The following KANK1 variants were observed in gnomAD, a reference collection of about 807,000 sequenced individuals.
The protein encoded by KANK1 is KN motif and ankyrin repeat domains 1.
A neutral mutation model predicts 106.2 loss-of-function variants in KANK1; 109 were observed. The observed-to-expected ratio is 1.03, with a 90% confidence interval of 0.88 to 1.20. The LOEUF is 1.20. Among genes scored for constraint, KANK1 ranks in the 50% most tolerant of loss-of-function variants. The pLI is 0.00. For synonymous variants in KANK1, 873 were observed against 652.2 expected (o/e 1.34, Z -5.16); for missense variants, 2,399 against 1,710.7 (o/e 1.40, Z -7.10).
Position 481,601 on chromosome 9 carries a change from C to T in KANK1, c.-362+8328C>T, listed in dbSNP as rs374795699. Among the ~76,000 whole-genome samples, 134 of 152,224 alleles carry T rather than the reference C, an allele frequency of 8.8e-4. 1 individual carries two copies. In the Middle Eastern group the frequency reaches 0.017, roughly 19 times the overall value. ...TCCATACAAAGGCAGCCAACAACGG[C>T]GGGCAAAAAGCTCATGACGGCTCAT... On this transcript the variant is annotated intron_variant, in intron 3 of 15. Coordinates refer to the KANK1 transcript ENST00000382303.
At chr9:538,629 A>G (rs550280583) in intron 1 of KANK1, among the ~76,000 whole-genome samples, 1 of 152,332 alleles carries the variant, frequency 6.6e-6, no homozygotes, top group South Asian at 2.1e-4. Context: ...GGTGCTATCT[A>G]GCAAAAGCTA....
At chr9:562,781 A>C (rs1160441950) in intron 1 of KANK1, among the ~76,000 whole-genome samples, 2 of 152,360 alleles carry the variant, frequency 1.3e-5, no homozygotes, top group South Asian at 2.1e-4. Flanking sequence ...TGGATGAAAG[A>C]GCTAGTGAAC....
intron 2 of KANK1, among the ~76,000 whole-genome samples, chr9:683,355 A>AG (rs1200116329): frequency 6.6e-6 from 1 of 152,196 alleles, no homozygotes; most frequent in Non-Finnish European, 1.5e-5. Context: ...ATAAACACAT[A>AG]GGTAGGAGCC....
intron 1 of KANK1, among the ~76,000 whole-genome samples, chr9:594,506 A>G (rs1214586487): frequency 1.3e-5 from 2 of 151,936 alleles, no homozygotes; most frequent in African/African-American, 2.4e-5. Context: ...CCACCTTAAC[A>G]TAGAGTTCTC....
chr9:723,995 T>G (rs1196627551), intron 3 of KANK1, among the ~76,000 whole-genome samples: 1 of 150,904 alleles, frequency 6.6e-6, no homozygotes, highest in Non-Finnish European at 1.5e-5. Flanking sequence ...CCCAGCTATT[T>G]GGGGGGCTGA....
In KANK1 at chr9:710,615, C is replaced by CAAAAAAAAA. The variant is rs1222306010; in HGVS notation, c.38-183_38-175dup. On this transcript the variant is annotated intron_variant, in intron 2 of 11. Transcript: ENST00000382297. Reference sequence around the variant, plus strand: ...GCCTGGGTGACAGAATGACCTGTCTCAAAAAAAAAAAAAACAAAAAAAAAC... The same window carrying CAAAAAAAAA: ...GCCTGGGTGACAGAATGACCTGTCTCAAAAAAAAAAAAAAAAAAAAAAACAAAAAAAAAC... 2.5e-3 allele frequency among the ~76,000 whole-genome samples: 89 copies of CAAAAAAAAA among 35,708 alleles called. 2 individuals are homozygous for CAAAAAAAAA. Among genetic ancestry groups the CAAAAAAAAA allele is most frequent in the East Asian group, 0.011 (18 of 1,646 alleles). 23.4% of individuals were successfully genotyped at this position (35,708 alleles called of 152,430 possible). A position where few individuals can be genotyped will look rare whatever the true frequency, so the allele number is the denominator to read the frequency against.
chr9:669,719 C>G (rs922389746), intron 1 of KANK1, among the ~76,000 whole-genome samples: 2 of 151,940 alleles, frequency 1.3e-5, no homozygotes, highest in Non-Finnish European at 2.9e-5. Context: ...TTATTTGGGT[C>G]AAATCTGTTT....
intron 1 of KANK1, among the ~76,000 whole-genome samples, chr9:575,411 T>C (rs1252793153): frequency 6.6e-6 from 1 of 151,740 alleles, no homozygotes; most frequent in Admixed American, 6.6e-5. Context: ...CTCTTGCCTG[T>C]AATTCCAGCA....
chr9:657,343 A>G (rs1311447900), intron 1 of KANK1, among the ~76,000 whole-genome samples: 2 of 152,150 alleles, frequency 1.3e-5, no homozygotes, highest in Admixed American at 1.3e-4. Context: ...TGGGGATGCA[A>G]ATGTCTCTTC....
chr9:571,619 A>T (rs1335080556), intron 1 of KANK1, among the ~76,000 whole-genome samples: 2 of 152,184 alleles, frequency 1.3e-5, no homozygotes, highest in African/African-American at 4.8e-5. Context: ...TGACTAAGAT[A>T]ACTGTCTCAT....
At chr9:518,461 A>T (rs1050768255) in intron 1 of KANK1, among the ~76,000 whole-genome samples, 1 of 151,716 alleles carries the variant, frequency 6.6e-6, no homozygotes, top group African/African-American at 2.4e-5. Flanking sequence ...TTTCGGCCAG[A>T]CACTTCAAGG....
At chr9:563,251 C>T (rs1466059324) in intron 1 of KANK1, among the ~76,000 whole-genome samples, 1 of 151,936 alleles carries the variant, frequency 6.6e-6, no homozygotes. Flanking sequence ...TAGCCCTCCC[C>T]AGAGTCTCTG....
At chr9:632,609 G>A (rs12238082) in intron 1 of KANK1, among the ~76,000 whole-genome samples, 22,412 of 152,024 alleles carry the variant, frequency 0.15, 1,791 homozygotes, top group Admixed American at 0.17. Flanking sequence ...ATTCCGTGGA[G>A]TCACACTGAG....
intron 1 of KANK1, among the ~76,000 whole-genome samples, chr9:608,355 T>C (rs1443039174): frequency 6.6e-6 from 1 of 151,908 alleles, no homozygotes; most frequent in East Asian, 1.9e-4. Context: ...GTTTCATTTG[T>C]TGTATAGCAC....
chr9:677,203 A>G (rs1816586332), intron 2 of KANK1, among the ~76,000 whole-genome samples, 194 bp downstream of exon 2: 1 of 152,224 alleles, frequency 6.6e-6, no homozygotes, highest in Non-Finnish European at 1.5e-5. Flanking sequence ...AGAGTCTTGC[A>G]CTGAAATCAA....
At chr9:618,047 A>G (rs1329393008) in intron 1 of KANK1, among the ~76,000 whole-genome samples, 1 of 152,184 alleles carries the variant, frequency 6.6e-6, no homozygotes, top group Non-Finnish European at 1.5e-5. Context: ...CCCTGCACAC[A>G]AGGCAGTATC....
At chr9:629,852 T>C (rs549099510) in intron 1 of KANK1, among the ~76,000 whole-genome samples, 9 of 152,362 alleles carry the variant, frequency 5.9e-5, no homozygotes, top group African/African-American at 1.9e-4. Context: ...AGGCAATGAC[T>C]CATTTACTGA....
intron 2 of KANK1, chr9:677,456 A>T (rs907592870): frequency 6.5e-6 from 1 of 153,492 alleles, no homozygotes. Flanking sequence ...CTGTAAAATG[A>T]TTCTCTTAGG....
chr9:571,107 G>A (rs1323456680), intron 1 of KANK1, among the ~76,000 whole-genome samples: 2 of 152,194 alleles, frequency 1.3e-5, no homozygotes, highest in Non-Finnish European at 2.9e-5. Context: ...GTATGAGAGA[G>A]TGCCCATCTC....
Sources: allele counts gnomAD v4.1 joint callset (sites outside exome capture counted in the v4.1 genomes callset), GRCh38; gene constraint gnomAD v4.1.1; transcripts MANE v1.5; gene names NCBI Gene and HGNC (gene_info 2026-07-23, HGNC 2026-07-21).